The following NOX5 variants were observed in gnomAD, a reference collection of about 807,000 sequenced individuals.
NOX5 encodes NADPH oxidase, EF-hand calcium binding domain 5.
A neutral mutation model predicts 85.7 loss-of-function variants in NOX5; 76 were observed. That is an observed-to-expected ratio of 0.89 (90% confidence interval 0.74 to 1.07). The LOEUF (loss-of-function observed/expected upper bound fraction) is 1.07, where lower values mean the gene tolerates loss of function less well. Among genes scored for constraint, NOX5 ranks in the 50% least tolerant of loss-of-function variants. NOX5 has a pLI of 0.00. For missense variants in NOX5, 973 were observed against 999.5 expected, an observed-to-expected ratio of 0.97 and a Z score of 0.36; for synonymous variants, 405 against 401.4, an observed-to-expected ratio of 1.01 and a Z score of -0.11.
Position 69,058,549 on chromosome 15 carries a change from GA to G in NOX5, c.*1854del, listed in dbSNP as rs544326665. 114 of 152,666 alleles carry G rather than the reference GA, an allele frequency of 7.5e-4. No homozygotes were observed. Among genetic ancestry groups the G allele is most frequent in the Non-Finnish European group, 1.0e-3 (70 of 68,294 alleles). The allele number at this position is 152,666 out of a possible 1,614,324, so 9.5% of individuals were successfully genotyped here. ...AGGAGGAGTGGGGCCTGCAGTCAAGGAGAGGCTAATTCGGTTTGGGTGGGTG... is the reference window on the plus strand; with the variant it reads ...AGGAGGAGTGGGGCCTGCAGTCAAGGGAGGCTAATTCGGTTTGGGTGGGTG... On this transcript the variant is annotated 3_prime_UTR_variant, in exon 16 of 16. Transcript: ENST00000388866.
At chr15:69,034,518 G>C (rs1824034660) in intron 5 of NOX5, among the ~76,000 whole-genome samples, 1 of 152,176 alleles carries the variant, frequency 6.6e-6, no homozygotes, top group Admixed American at 6.5e-5. Flanking sequence ...AAAGCTACTT[G>C]TCCTTCCTGT....
At chr15:69,041,579 G>A (rs928784534) in intron 9 of NOX5, among the ~76,000 whole-genome samples, 1 of 152,230 alleles carries the variant, frequency 6.6e-6, no homozygotes, top group African/African-American at 2.4e-5. Context: ...TGCTTCAAGA[G>A]TATTTATGCT....
At chr15:69,048,021 T>A in intron 13 of NOX5, 110 bp downstream of exon 13, 2 of 894,226 alleles carry the variant, frequency 2.2e-6, no homozygotes, top group Non-Finnish European at 3.6e-6. Context: ...TGATCCCTAA[T>A]GGGATCTTTC....
intron 14 of NOX5, among the ~76,000 whole-genome samples, chr15:69,053,350 GA>G (rs2050772356): frequency 6.6e-6 from 1 of 152,178 alleles, no homozygotes; most frequent in South Asian, 2.1e-4. Flanking sequence ...AGAACACATA[GA>G]ACAGTGACTG....
intron 14 of NOX5, 23 bp from the exon 15 acceptor site, chr15:69,055,311 A>T: frequency 3.7e-6 from 6 of 1,612,068 alleles, no homozygotes; most frequent in Non-Finnish European, 4.2e-6. Flanking sequence ...CCCTCAGTGC[A>T]GCCCTTGTCC....
chr15:69,024,107 A>G (rs997338349), intron 1 of NOX5: 2 of 153,550 alleles, frequency 1.3e-5, no homozygotes, highest in Non-Finnish European at 2.9e-5. Flanking sequence ...GAAGAATCAT[A>G]TAACCGTGGC....
intron 1 of NOX5, among the ~76,000 whole-genome samples, chr15:69,021,085 C>G (rs944651350): frequency 3.3e-5 from 5 of 151,818 alleles, no homozygotes; most frequent in Non-Finnish European, 7.4e-5. Context: ...AAGTGACCTT[C>G]TAGATTTAAT....
At chr15:69,026,290 C>T (rs752228993) in intron 1 of NOX5, among the ~76,000 whole-genome samples, 1 of 152,198 alleles carries the variant, frequency 6.6e-6, no homozygotes, top group African/African-American at 2.4e-5. Context: ...CATTTCAGAA[C>T]CTAAAGAGAA....
At position 69,037,208 on chromosome 15, in the gene NOX5, A is replaced by G. The variant is rs758373081; in HGVS notation, c.1369A>G (p.Lys457Glu). The change falls in exon 8 of 16, where the codon AAG becomes GAG. Residue 457 changes from lysine (K) to glutamate (E), a missense_variant and splice_region_variant. By Grantham distance (56) the Lys-to-Glu change is moderately conservative. Transcript: ENST00000388866. ...CATGGAAGTCAACCTCCTCCCCTCC[A>G]AGGTACAAAGGTGGGGGATGGGGAG... ...CIMEVNLLPSKVTHLLIKRPP... is the reference protein window; with the variant it reads ...CIMEVNLLPSEVTHLLIKRPP... 35 of 1,612,128 alleles carry G rather than the reference A, an allele frequency of 2.2e-5. No individual in the cohort carries two copies. The highest frequency in any genetic ancestry group is 3.0e-5 in the Non-Finnish European group (35 of 1,179,272).
At position 69,035,865 on chromosome 15, in the gene NOX5, G is replaced by T; in HGVS notation, c.1117G>T (p.Ala373Ser). 1 of 1,614,118 alleles carries T rather than the reference G, an allele frequency of 6.2e-7. No individual in the cohort carries two copies. Among genetic ancestry groups the T allele is most frequent in the African/African-American group, 1.3e-5 (1 of 75,054 alleles). Residue 373 changes from alanine to serine, a missense_variant, in exon 7 of 16, where the codon GCT becomes TCT. By Grantham distance (99) the Ala-to-Ser change is moderately conservative. Transcript: ENST00000388866. Reference protein sequence around the residue: ...VHGSASPTGVALLLLLLLMFI... With the variant: ...VHGSASPTGVSLLLLLLLMFI... ...CGGTTCGGCCTCCCCGACAGGTGTC[G>T]CTCTGCTGCTGCTGCTCCTCCTCAT...
chr15:69,015,484 C>T (rs1226832985), intron 1 of NOX5, among the ~76,000 whole-genome samples: 2 of 152,102 alleles, frequency 1.3e-5, no homozygotes, highest in Non-Finnish European at 1.5e-5. Flanking sequence ...AATGCCTTCC[C>T]GAGGGTCCCG....
chr15:69,056,477 T>C (rs892544987), intron 15 of NOX5, 88 bp from the exon 16 acceptor site: 11 of 1,537,728 alleles, frequency 7.2e-6, no homozygotes, highest in South Asian at 1.2e-5. Context: ...CGACCCGTTA[T>C]GCTGTTACCT....
At chr15:69,031,888 C>A in intron 4 of NOX5, 76 bp downstream of exon 4, 1 of 1,447,054 alleles carries the variant, frequency 6.9e-7, no homozygotes, top group South Asian at 1.4e-5. Flanking sequence ...CAGGAACTCA[C>A]CGCGGATCCA....
chr15:69,015,610 C>G (rs999483312), intron 1 of NOX5, among the ~76,000 whole-genome samples: 3 of 152,158 alleles, frequency 2.0e-5, no homozygotes, highest in African/African-American at 4.8e-5. Flanking sequence ...TGTGCAGATT[C>G]CTGCCTCCTC....
rs2050800922 is a variant in NOX5 at position 69,055,504 on chromosome 15, A to G, written c.2166+4A>G. ...TGGGCGGCCTGACTGGAGCAAGGTAATGCCAACTGGAGCCCTGCAGCTTGC... is the reference window on the plus strand; with the variant it reads ...TGGGCGGCCTGACTGGAGCAAGGTAGTGCCAACTGGAGCCCTGCAGCTTGC... On this transcript the variant is annotated splice_donor_region_variant and intron_variant, in intron 15 of 15. Transcript: ENST00000388866. The G allele has an allele frequency of 1.2e-6, 2 of 1,613,146 alleles. No homozygotes were observed. The highest frequency in any genetic ancestry group is 3.3e-5 in the Admixed American group (2 of 60,010).
At chr15:69,049,602 TA>T (rs1211864038) in intron 14 of NOX5, among the ~76,000 whole-genome samples, 3 of 152,172 alleles carry the variant, frequency 2.0e-5, no homozygotes, top group Non-Finnish European at 4.4e-5. Context: ...TTTGTTTTCT[TA>T]TTCATATTTT....
rs1487263399 is a variant in NOX5 at position 69,061,355 on chromosome 15, C to T, written c.*4659C>T. On this transcript the variant is annotated 3_prime_UTR_variant, in exon 16 of 16. Coordinates refer to ENST00000388866, the MANE Select transcript of NOX5 (RefSeq NM_024505.4). ...TGGCCTAAGTATTAAAATAAAATGC[C>T]CTGTCTAGGCCCAAAACTAGTCCAG... is the stretch of plus-strand genomic sequence containing the variant. 6.6e-6 allele frequency: 1 copy of T among 152,182 alleles called. No homozygotes were observed. Among genetic ancestry groups the T allele is most frequent in the Non-Finnish European group, 1.5e-5 (1 of 68,042 alleles). 9.4% of individuals were successfully genotyped at this position (152,182 alleles called of 1,614,324 possible). A position where few individuals can be genotyped will look rare whatever the true frequency, so the allele number is the denominator to read the frequency against.
At chr15:69,033,985 C>A (rs1349686758) in intron 5 of NOX5, among the ~76,000 whole-genome samples, 1 of 152,054 alleles carries the variant, frequency 6.6e-6, no homozygotes, top group East Asian at 1.9e-4. Flanking sequence ...TGAGCCACCA[C>A]GCCTGACCTC....
Position 69,047,421 on chromosome 15 carries a change from CG to C in NOX5, c.1702del (p.Asp568MetfsTer62), listed in dbSNP as rs773211058. 110 of 1,613,266 alleles carry C rather than the reference CG, an allele frequency of 6.8e-5. No individual in the cohort carries two copies. Among genetic ancestry groups the C allele is most frequent in the Non-Finnish European group, 9.0e-5 (106 of 1,179,744 alleles). ...TGCCCTCTTGTGCACAGTGCTACAT[CG>C]ATGGGCCTTATGGGACCCCCACCCG... ...HKFCNIKCYIDGPYGTPTRRI... is the reference protein window; with the variant it reads ...HKFCNIKCYIXGPYGTPTRRI... On this transcript the variant is annotated frameshift_variant, in exon 12 of 16. Coordinates refer to ENST00000388866, the MANE Select transcript of NOX5 (RefSeq NM_024505.4). LOFTEE classifies it high-confidence loss of function.
Sources: allele counts gnomAD v4.1 joint callset (sites outside exome capture counted in the v4.1 genomes callset), GRCh38; gene constraint gnomAD v4.1.1; transcripts MANE v1.5; gene names NCBI Gene and HGNC (gene_info 2026-07-23, HGNC 2026-07-21).